Variants in BCAS3 observed in about 807,000 individuals in gnomAD.
BCAS3 encodes BCAS3 microtubule associated cell migration factor.
In BCAS3, 53 loss-of-function variants were observed where a neutral mutation model predicts 116.1. The observed-to-expected ratio is 0.46, with a 90% confidence interval of 0.37 to 0.57. The LOEUF (loss-of-function observed/expected upper bound fraction) is 0.57, where lower values mean the gene tolerates loss of function less well. Among genes scored for constraint, BCAS3 ranks in the 20% least tolerant of loss-of-function variants. BCAS3 has a pLI of 0.00. For synonymous variants in BCAS3, 391 were observed against 408.2 expected (o/e 0.96, Z 0.51); for missense variants, 917 against 1,165.4 (o/e 0.79, Z 3.10).
intron 4 of BCAS3, among the ~76,000 whole-genome samples, chr17:60,692,039 T>A (rs929021407): frequency 1.4e-5 from 2 of 142,104 alleles, no homozygotes; most frequent in African/African-American, 2.6e-5. Flanking sequence ...GCAACAAGAG[T>A]GAAACTCTGT....
intron 22 of BCAS3, among the ~76,000 whole-genome samples, chr17:61,353,045 G>A (rs1365880148): frequency 6.6e-6 from 1 of 152,182 alleles, no homozygotes; most frequent in Non-Finnish European, 1.5e-5. Context: ...GGGGTGGGGA[G>A]AGGGAGGAGA....
At chr17:61,054,489 C>T (rs1447459304) in intron 19 of BCAS3, among the ~76,000 whole-genome samples, 1 of 152,182 alleles carries the variant, frequency 6.6e-6, no homozygotes, top group African/African-American at 2.4e-5. Context: ...GCCTCAGCCT[C>T]CTAAGTAGCT....
At chr17:60,925,277 A>G (rs2059311566) in intron 13 of BCAS3, among the ~76,000 whole-genome samples, 1 of 152,150 alleles carries the variant, frequency 6.6e-6, no homozygotes, top group African/African-American at 2.4e-5. Flanking sequence ...ACTGGAAGTT[A>G]AGTCTAGAGG....
rs989125080 is a variant in BCAS3, at chr17:61,333,972, C to T, written c.2426-34355C>T. Reference sequence around the variant, plus strand: ...CTTCCCTGATTGAGAGATGAGTCAGCATTCATATATTCATTCATTCATTCA... The same window carrying T: ...CTTCCCTGATTGAGAGATGAGTCAGTATTCATATATTCATTCATTCATTCA... On this transcript the variant is annotated intron_variant, in intron 22 of 23. Transcript: ENST00000407086. The surrounding 1 kb of genome is among the most constrained non-coding windows in gnomAD (Gnocchi z 4.8). Among the ~76,000 whole-genome samples the T allele has an allele frequency of 6.6e-6, 1 of 152,150 alleles. No individual in the cohort carries two copies. The highest frequency in any genetic ancestry group is 1.5e-5 in the Non-Finnish European group (1 of 68,018).
rs2061727617 is a variant in BCAS3 at position 60,967,597 on chromosome 17, CATT to C, written c.1221+20252_1221+20254del. Among the ~76,000 whole-genome samples, 1 of 151,952 alleles carries C rather than the reference CATT, an allele frequency of 6.6e-6. No homozygotes were observed. The highest frequency in any genetic ancestry group is 2.4e-5 in the African/African-American group (1 of 41,354). On this transcript the variant is annotated intron_variant, in intron 14 of 23. Coordinates refer to ENST00000407086, the MANE Select transcript of BCAS3 (RefSeq NM_017679.5). This position sits in a 1 kb window ranked among gnomAD's most constrained non-coding sequence, Gnocchi z 4.7. Reference sequence around the variant, plus strand: ...CTTTCTTAAGTTTTAGAAAGTTTTCCATTATTATTTCTTTGGCTGCATTTTCTA... The same window carrying C: ...CTTTCTTAAGTTTTAGAAAGTTTTCCATTATTTCTTTGGCTGCATTTTCTA...
chr17:61,076,755 G>C (rs771295227), intron 20 of BCAS3, among the ~76,000 whole-genome samples: 5 of 152,178 alleles, frequency 3.3e-5, no homozygotes, highest in Non-Finnish European at 7.3e-5. Context: ...TGATGGTTTT[G>C]AGCTTAAAGT....
At position 61,073,603 on chromosome 17, in the gene BCAS3, T is replaced by C. The variant is rs899840196; in HGVS notation, c.2030-1317T>C. On this transcript the variant is annotated intron_variant, in intron 19 of 23. Transcript: ENST00000407086. The surrounding 1 kb of genome is among the most constrained non-coding windows in gnomAD (Gnocchi z 4.6). ...TATTTACATCCTCTGATTTCATATG[T>C]AGGAATCTAACTCAAGGAAATTTTT... 2.0e-5 allele frequency among the ~76,000 whole-genome samples: 3 copies of C among 152,198 alleles called. No individual in the cohort carries two copies. Among genetic ancestry groups the C allele is most frequent in the African/African-American group, 4.8e-5 (2 of 41,448 alleles).
chr17:60,689,759 A>G lies in BCAS3; in HGVS notation c.212A>G (p.Asn71Ser). The change falls in exon 4 of 24, where the codon AAT becomes AGT. Residue 71 changes from asparagine to serine, a missense_variant and splice_region_variant. This residue lies in a region of BCAS3 where 807 missense variants were observed against 1,026.0 expected (regional missense o/e 0.79). Coordinates refer to ENST00000407086, the MANE Select transcript of BCAS3 (RefSeq NM_017679.5). ...VWVRFENADL[N>S]DTSRNLEFHE... ...GTCAGATTTGAAAATGCAGATTTAA[A>G]TGGTATGGTTTTAACTTTTTTTGGG... 1 of 1,597,286 alleles carries G rather than the reference A, an allele frequency of 6.3e-7. No homozygotes were observed. The highest frequency in any genetic ancestry group is 8.6e-7 in the Non-Finnish European group (1 of 1,165,450).
Position 61,309,690 on chromosome 17 carries a change from G to A in BCAS3, c.2426-58637G>A, listed in dbSNP as rs983664446. On this transcript the variant is annotated intron_variant, in intron 22 of 23. Coordinates refer to ENST00000407086, the MANE Select transcript of BCAS3 (RefSeq NM_017679.5). The surrounding 1 kb of genome is among the most constrained non-coding windows in gnomAD (Gnocchi z 4.6). ...CAGAAGGCACTGTGAGCAAAGCCTG[G>A]AACTGGAGAGATGACCCAGGGTCTT... Among the ~76,000 whole-genome samples, 4 of 152,208 alleles carry A rather than the reference G, an allele frequency of 2.6e-5. No individual in the cohort carries two copies. Among genetic ancestry groups the A allele is most frequent in the Non-Finnish European group, 5.9e-5 (4 of 68,038 alleles).
chr17:60,733,524 C>T (rs574853678), intron 5 of BCAS3, among the ~76,000 whole-genome samples: 2 of 152,274 alleles, frequency 1.3e-5, no homozygotes, highest in African/African-American at 4.8e-5. Context: ...TATGATCTTC[C>T]ATGTCTAGTG....
At chr17:60,905,944 A>C (rs1298927127) in intron 11 of BCAS3, among the ~76,000 whole-genome samples, 1 of 152,196 alleles carries the variant, frequency 6.6e-6, no homozygotes, top group Non-Finnish European at 1.5e-5. Flanking sequence ...TGGAGTCTCT[A>C]CCTGGCTGGT....
At chr17:60,987,970 A>G (rs1349900635) in intron 14 of BCAS3, among the ~76,000 whole-genome samples, 3 of 152,010 alleles carry the variant, frequency 2.0e-5, no homozygotes, top group Non-Finnish European at 4.4e-5. Flanking sequence ...TCCATTGTAC[A>G]TGGCTTTTCT....
intron 22 of BCAS3, among the ~76,000 whole-genome samples, chr17:61,169,516 T>C (rs147462155): frequency 6.6e-6 from 1 of 152,030 alleles, no homozygotes; most frequent in South Asian, 2.1e-4. Flanking sequence ...TATGCAATCC[T>C]CCCATCTTGG....
intron 22 of BCAS3, among the ~76,000 whole-genome samples, chr17:61,311,830 G>A (rs1282357032): frequency 1.3e-5 from 2 of 152,246 alleles, no homozygotes; most frequent in Admixed American, 1.3e-4. Context: ...GGAGGCGGAG[G>A]TTGCAGTGGG....
At chr17:60,727,284 G>C in intron 5 of BCAS3, 1 of 1,121,566 alleles carries the variant, frequency 8.9e-7, no homozygotes. Context: ...TCTGGCCTTA[G>C]CACAGTCTTC....
chr17:60,761,392 A>G (rs368999690), intron 6 of BCAS3, among the ~76,000 whole-genome samples: 7 of 150,738 alleles, frequency 4.6e-5, no homozygotes, highest in African/African-American at 1.5e-4. Context: ...GCCCCGGTGT[A>G]TGCTGTTCCC....
intron 5 of BCAS3, among the ~76,000 whole-genome samples, chr17:60,733,482 G>A (rs1399315602): frequency 6.6e-6 from 1 of 152,210 alleles, no homozygotes; most frequent in Non-Finnish European, 1.5e-5. Context: ...AAGGCAAAAT[G>A]CACTGGAGAT....
At position 61,354,788 on chromosome 17, in the gene BCAS3, A is replaced by AG. The variant is rs1237178995; in HGVS notation, c.2426-13538dup. 1.3e-5 allele frequency: 2 copies of AG among 152,214 alleles called. No individual in the cohort carries two copies. The highest frequency in any genetic ancestry group is 6.5e-5 in the Admixed American group (1 of 15,280). 9.4% of individuals were successfully genotyped at this position (152,214 alleles called of 1,614,324 possible). A position where few individuals can be genotyped will look rare whatever the true frequency, so the allele number is the denominator to read the frequency against. ...TCCAAATACACATGTTTATTGCCCA[A>AG]GCTGGGAACACCATTTTTAAAGCCC... On this transcript the variant is annotated intron_variant, in intron 22 of 23. Transcript: ENST00000407086. This position sits in a 1 kb window ranked among gnomAD's most constrained non-coding sequence, Gnocchi z 4.5.
rs2039995011 is a variant in BCAS3, at chr17:60,727,395, C to T, written c.321+18070C>T. 1.9e-6 allele frequency: 3 copies of T among 1,604,896 alleles called. No homozygotes were observed. The Admixed American group carries it at 5.0e-5, about 27-fold the overall frequency. ...CTCTTTCCCTGGGCATACAAGGAAT[C>T]CTTGCTCTTATACTGTGTCACTTTG... On this transcript the variant is annotated intron_variant, in intron 5 of 23. Transcript: ENST00000407086.
Sources: allele counts gnomAD v4.1 joint callset (sites outside exome capture counted in the v4.1 genomes callset), GRCh38; gene constraint gnomAD v4.1.1; regional missense constraint gnomAD v4.1.1; non-coding constraint Gnocchi (gnomAD v3.1); transcripts MANE v1.5; gene names NCBI Gene and HGNC (gene_info 2026-07-23, HGNC 2026-07-21).